The following GLIS1 variants were observed in gnomAD, a reference collection of about 807,000 sequenced individuals.
GLIS1 encodes GLIS family zinc finger 1, also known as zinc finger protein GLIS1.
GLIS1 carries 24 observed loss-of-function variants against 63.8 expected under a neutral mutation model. That is an observed-to-expected ratio of 0.38 (90% CI 0.27 to 0.53). The LOEUF is 0.53. Ranked by LOEUF, GLIS1 falls within the 20% of genes least tolerant of loss-of-function variation. The pLI, the probability that GLIS1 is intolerant of heterozygous loss-of-function variation, is 0.85. For synonymous variants in GLIS1, 450 were observed against 482.5 expected (o/e 0.93, Z 0.88); for missense variants, 1,036 against 1,074.1 (o/e 0.96, Z 0.50).
chr1:53,577,708 A>T (rs1411520658), intron 4 of GLIS1, among the ~76,000 whole-genome samples: 3 of 152,070 alleles, frequency 2.0e-5, no homozygotes, highest in Admixed American at 1.3e-4. Context: ...AGGACCTGGG[A>T]TCCTGCCTGT....
At chr1:53,513,522 C>T (rs1644319365) in intron 8 of GLIS1, among the ~76,000 whole-genome samples, 1 of 152,194 alleles carries the variant, frequency 6.6e-6, no homozygotes, top group South Asian at 2.1e-4. Context: ...CTTCTCCACT[C>T]ATCCAACTCC....
At chr1:53,659,262 G>A (rs11591157) in intron 2 of GLIS1, among the ~76,000 whole-genome samples, 15,242 of 152,198 alleles carry the variant, frequency 0.1, 845 homozygotes, top group South Asian at 0.18. Flanking sequence ...AGCATGAGAT[G>A]AGGGCAATTG....
intron 4 of GLIS1, among the ~76,000 whole-genome samples, chr1:53,564,747 G>A (rs1451771463): frequency 6.6e-6 from 1 of 151,978 alleles, no homozygotes; most frequent in Non-Finnish European, 1.5e-5. Context: ...AACATTATTA[G>A]GGATAGATTG....
intron 2 of GLIS1, among the ~76,000 whole-genome samples, chr1:53,732,059 C>T (rs1296472773): frequency 1.3e-5 from 2 of 152,240 alleles, no homozygotes; most frequent in African/African-American, 4.8e-5. Context: ...ACCATAACCA[C>T]CAAATAAATT....
At chr1:53,528,902 C>T (rs539408216) in intron 5 of GLIS1, among the ~76,000 whole-genome samples, 7 of 152,296 alleles carry the variant, frequency 4.6e-5, no homozygotes, top group Admixed American at 3.9e-4. Context: ...CAGTCTCCTG[C>T]AGCACATGGG....
At chr1:53,632,959 C>CTT (rs2100255582) in intron 2 of GLIS1, among the ~76,000 whole-genome samples, 1 of 92,632 alleles carries the variant, frequency 1.1e-5, no homozygotes, top group East Asian at 3.9e-4. Context: ...GACTGAGGGG[C>CTT]GTGTATATGT....
chr1:53,606,945 C>G (rs906101085), intron 2 of GLIS1, among the ~76,000 whole-genome samples: 2 of 152,120 alleles, frequency 1.3e-5, no homozygotes, highest in Non-Finnish European at 2.9e-5. Flanking sequence ...GACACCCGAG[C>G]CAGCCCATAG....
chr1:53,733,106 A>C (rs1646879380), intron 2 of GLIS1, among the ~76,000 whole-genome samples: 1 of 152,238 alleles, frequency 6.6e-6, no homozygotes, highest in South Asian at 2.1e-4. Flanking sequence ...ACCGAAGAAA[A>C]TGATGATAAT....
In GLIS1 at chr1:53,728,113, CCT is replaced by C. The variant is rs201911302; in HGVS notation, c.259+9691_259+9692del. 7.5e-3 allele frequency among the ~76,000 whole-genome samples: 1,144 copies of C among 152,242 alleles called. 14 individuals carry two copies. The highest frequency in any genetic ancestry group is 0.011 in the Non-Finnish European group (749 of 68,020). ...GGTTCAAGGATAATGACACTCTGCCCCTGTCTTCAAGGACGCATAAGTAAATA... is the reference window on the plus strand; with the variant it reads ...GGTTCAAGGATAATGACACTCTGCCCGTCTTCAAGGACGCATAAGTAAATA... On this transcript the variant is annotated intron_variant, in intron 2 of 10. Transcript: ENST00000628545.
chr1:53,729,317 C>A (rs1646835824), intron 2 of GLIS1, among the ~76,000 whole-genome samples: 1 of 152,144 alleles, frequency 6.6e-6, no homozygotes. Context: ...GAAGAGCCTG[C>A]CTCAACGAGA....
At chr1:53,728,721 G>A (rs1011554553) in intron 2 of GLIS1, among the ~76,000 whole-genome samples, 3 of 152,224 alleles carry the variant, frequency 2.0e-5, no homozygotes, top group Admixed American at 2.0e-4. Context: ...ATAAAAAGAA[G>A]CCCACAGATT....
At chr1:53,593,941 G>A (rs574162109) in intron 4 of GLIS1, among the ~76,000 whole-genome samples, 167 bp downstream of exon 4, 7 of 152,318 alleles carry the variant, frequency 4.6e-5, no homozygotes, top group East Asian at 1.9e-4. Flanking sequence ...GGCACTGACC[G>A]TCTTGACCAG....
chr1:53,705,513 A>G (rs1041664684), intron 2 of GLIS1, among the ~76,000 whole-genome samples: 4 of 152,178 alleles, frequency 2.6e-5, no homozygotes, highest in African/African-American at 9.7e-5. Flanking sequence ...TTCTGCTCCT[A>G]TAAAACAACT....
At chr1:53,554,682 T>C (rs1392239523) in intron 4 of GLIS1, among the ~76,000 whole-genome samples, 1 of 151,428 alleles carries the variant, frequency 6.6e-6, no homozygotes, top group African/African-American at 2.4e-5. Flanking sequence ...TGGATGGGGG[T>C]CACAGCAGGG....
At chr1:53,672,128 C>T (rs1646158968) in intron 2 of GLIS1, among the ~76,000 whole-genome samples, 1 of 152,230 alleles carries the variant, frequency 6.6e-6, no homozygotes, top group Non-Finnish European at 1.5e-5. Flanking sequence ...GAACCCATCC[C>T]ACCCAGCCAT....
At chr1:53,537,779 G>T (rs1644597442) in intron 4 of GLIS1, among the ~76,000 whole-genome samples, 1 of 152,190 alleles carries the variant, frequency 6.6e-6, no homozygotes, top group Non-Finnish European at 1.5e-5. Flanking sequence ...TGGCACGGGG[G>T]CAGGGGAGGA....
At chr1:53,553,697 A>G (rs1644786110) in intron 4 of GLIS1, among the ~76,000 whole-genome samples, 1 of 152,148 alleles carries the variant, frequency 6.6e-6, no homozygotes, top group African/African-American at 2.4e-5. Flanking sequence ...CTCTCTGAAG[A>G]GCTGGCATTC....
chr1:53,640,336 C>T (rs1269223484), intron 2 of GLIS1, among the ~76,000 whole-genome samples: 1 of 152,118 alleles, frequency 6.6e-6, no homozygotes, highest in East Asian at 1.9e-4. Flanking sequence ...AGTGGTTTGA[C>T]TCCTTTTGGT....
chr1:53,700,849 T>C (rs1344798165), intron 2 of GLIS1, among the ~76,000 whole-genome samples: 1 of 152,246 alleles, frequency 6.6e-6, no homozygotes, highest in Non-Finnish European at 1.5e-5. Flanking sequence ...GTCCAGGACA[T>C]TTCATGTTAA....
Sources: gnomAD v4.1 joint callset for allele counts (sites outside exome capture counted in the v4.1 genomes callset) on GRCh38, gnomAD v4.1.1 for gene constraint, MANE v1.5 for transcripts, NCBI Gene and HGNC (gene_info 2026-07-23, HGNC 2026-07-21) for gene names.